LDHC: variants seen among roughly 807,000 people sequenced by gnomAD.
LDHC encodes L-lactate dehydrogenase C chain.
A neutral mutation model predicts 30.2 loss-of-function variants in LDHC; 20 were observed. That is an observed-to-expected ratio of 0.66 (90% CI 0.47 to 0.96). The LOEUF is 0.96. Among genes scored for constraint, LDHC ranks in the 40% least tolerant of loss-of-function variants. The pLI, the probability that LDHC is intolerant of heterozygous loss-of-function variation, is 0.00. For missense variants in LDHC, 362 were observed against 394.9 expected, an observed-to-expected ratio of 0.92 and a Z score of 0.71; for synonymous variants, 139 against 132.7, an observed-to-expected ratio of 1.05 and a Z score of -0.32.
intron 1 of LDHC, 72 bp downstream of exon 1, chr11:18,412,480 GGGTGAAA>G: frequency 4.4e-6 from 2 of 454,314 alleles, no homozygotes; most frequent in Non-Finnish European, 4.0e-6. Context: ...TGTGGTGCTG[GGGTGAAA>G]GTGGTGGCTG....
intron 2 of LDHC, 140 bp from the exon 3 acceptor site, chr11:18,415,044 C>G (rs1866981884): frequency 1.9e-6 from 1 of 518,306 alleles, no homozygotes. Flanking sequence ...CACCCAGGCT[C>G]ATTGAAAAAC....
At chr11:18,432,993 G>A (rs1200997745) in intron 4 of LDHC, among the ~76,000 whole-genome samples, 1 of 152,128 alleles carries the variant, frequency 6.6e-6, no homozygotes. Context: ...TATTCATCAT[G>A]CTTTTTGTTG....
At position 18,412,815 on chromosome 11, in the gene LDHC, T is replaced by C. The variant is rs1357332075; in HGVS notation, c.98T>C (p.Met33Thr). Residue 33 changes from methionine to threonine, a missense_variant, in exon 2 of 8, where the codon ATG (methionine) becomes ACG (threonine). Transcript: ENST00000541669. Reference sequence around the variant, plus strand: ...ATTGTTGGAACTGGTGCCGTAGGCATGGCTTGTGCTATTAGTATCTTACTG... The same window carrying C: ...ATTGTTGGAACTGGTGCCGTAGGCACGGCTTGTGCTATTAGTATCTTACTG... ...ITIVGTGAVGMACAISILLKD... is the reference protein window; with the variant it reads ...ITIVGTGAVGTACAISILLKD... 2.5e-6 allele frequency: 4 copies of C among 1,613,806 alleles called. No individual in the cohort carries two copies. The African/African-American group carries it at 4.0e-5, about 16-fold the overall frequency.
In LDHC at chr11:18,438,699, A is replaced by G; in HGVS notation, c.710+54A>G. On this transcript the variant is annotated intron_variant, in intron 6 of 7. Transcript: ENST00000541669. ...CCTTAATAGTCAGTCTTAAGAATAA[A>G]TATCACGGACAAAAATCAAGTAGTT... 3.2e-6 allele frequency: 3 copies of G among 926,996 alleles called. No individual in the cohort carries two copies. In the South Asian group the frequency reaches 4.4e-5, roughly 14 times the overall value. 57.4% of individuals were successfully genotyped at this position (926,996 alleles called of 1,614,324 possible).
At chr11:18,416,295 C>A (rs917913089) in intron 3 of LDHC, among the ~76,000 whole-genome samples, 1 of 152,168 alleles carries the variant, frequency 6.6e-6, no homozygotes, top group Non-Finnish European at 1.5e-5. Flanking sequence ...GGTTTCAAGG[C>A]ATAGCATGAG....
Position 18,428,257 on chromosome 11 carries a change from C to T in LDHC, c.245-1480C>T, listed in dbSNP as rs1055216343. On this transcript the variant is annotated intron_variant, in intron 3 of 7. Transcript: ENST00000541669. ...CATGATCTGGGCTCACTGCAACCTC[C>T]GCCTCCTGGGTTCAAGCCATTCTCC... Among the ~76,000 whole-genome samples the T allele has an allele frequency of 4.0e-5, 6 of 148,584 alleles. No individual in the cohort carries two copies. The East Asian group carries it at 6.0e-4, about 15-fold the overall frequency.
intron 3 of LDHC, among the ~76,000 whole-genome samples, chr11:18,419,983 T>C (rs1867088216): frequency 6.6e-6 from 1 of 152,138 alleles, no homozygotes; most frequent in Non-Finnish European, 1.5e-5. Flanking sequence ...TCTCAGCTAC[T>C]CAGGAGGCTG....
rs371538164 is a variant in LDHC at position 18,424,336 on chromosome 11, C to T, written c.245-5401C>T. On this transcript the variant is annotated intron_variant, in intron 3 of 7. Coordinates refer to ENST00000541669, the MANE Select transcript of LDHC (RefSeq NM_017448.5). ...GGTGGAGGTTGCAGTGAGCCTAGAT[C>T]GCGCCACTGCACTCCAGCCTGGGCC... Among the ~76,000 whole-genome samples the T allele has an allele frequency of 3.2e-3, 479 of 151,928 alleles. 5 individuals carry two copies. Among genetic ancestry groups the T allele is most frequent in the African/African-American group, 0.011 (459 of 41,426 alleles).
rs1342170222 is a variant in LDHC, at chr11:18,415,255, G to A, written c.198G>A (p.Gln66=). The part of the protein sequence containing the change: ...DKLKGEMMDL[Q]HGSLFFSTSK... ...TGAAGGGAGAAATGATGGATCTTCA[G>A]CATGGCAGTCTTTTCTTTAGTACTT... The change falls in exon 3 of 8, where the codon CAG becomes CAA. Residue 66 remains glutamine (Q), a synonymous_variant. Coordinates refer to ENST00000541669, the MANE Select transcript of LDHC (RefSeq NM_017448.5). 21 of 1,608,880 alleles carry A rather than the reference G, an allele frequency of 1.3e-5. No individual in the cohort carries two copies. The highest frequency in any genetic ancestry group is 1.8e-5 in the Non-Finnish European group (21 of 1,175,922).
intron 5 of LDHC, among the ~76,000 whole-genome samples, chr11:18,437,701 G>A (rs1350721255): frequency 1.3e-5 from 2 of 149,230 alleles, no homozygotes; most frequent in South Asian, 2.1e-4. Flanking sequence ...GCAGTGAGCC[G>A]AGATCGCGCC....
rs1399377252 is a variant in LDHC, at chr11:18,451,629, G to A, written c.*502G>A. On this transcript the variant is annotated 3_prime_UTR_variant, in exon 8 of 8. Transcript: ENST00000541669. ...TGTCTCAAAAAAAATCATTATAAAT[G>A]CTTATTTTTAAGACCATATATATCA... The A allele has an allele frequency of 6.6e-6, 1 of 152,030 alleles. No homozygotes were observed. Among genetic ancestry groups the A allele is most frequent in the East Asian group, 1.9e-4 (1 of 5,196 alleles). 9.4% of individuals were successfully genotyped at this position (152,030 alleles called of 1,614,324 possible).
chr11:18,421,299 C>T, intron 3 of LDHC, among the ~76,000 whole-genome samples: 1 of 151,836 alleles, frequency 6.6e-6, no homozygotes, highest in East Asian at 2.0e-4. Context: ...AGGTGGTCTG[C>T]CCGCTTCGGC....
At chr11:18,421,625 A>G (rs1848053648) in intron 3 of LDHC, among the ~76,000 whole-genome samples, 1 of 151,892 alleles carries the variant, frequency 6.6e-6, no homozygotes, top group Non-Finnish European at 1.5e-5. Flanking sequence ...GTGAGCAGAG[A>G]TCATGCCATT....
intron 3 of LDHC, among the ~76,000 whole-genome samples, chr11:18,420,099 A>G (rs1219913325): frequency 6.1e-5 from 9 of 148,258 alleles, no homozygotes; most frequent in African/African-American, 7.9e-5. Flanking sequence ...TCTTAGAACA[A>G]CAACAACAAC....
intron 3 of LDHC, among the ~76,000 whole-genome samples, chr11:18,425,404 A>T (rs961611119): frequency 6.6e-6 from 1 of 151,990 alleles, no homozygotes; most frequent in African/African-American, 2.4e-5. Context: ...TTTAGAGACT[A>T]GGTCTTGCCC....
chr11:18,425,675 C>T (rs982137057), intron 3 of LDHC, among the ~76,000 whole-genome samples: 1 of 151,914 alleles, frequency 6.6e-6, no homozygotes, highest in African/African-American at 2.4e-5. Context: ...CGTGGTGGCT[C>T]ACGCCTGTAA....
intron 3 of LDHC, among the ~76,000 whole-genome samples, chr11:18,427,187 C>T (rs1402376582): frequency 6.6e-6 from 1 of 151,876 alleles, no homozygotes; most frequent in African/African-American, 2.4e-5. Context: ...GAAACCCCGT[C>T]TCTACTAAAA....
rs765977484 is a variant in LDHC, at chr11:18,438,616, G to C, written c.681G>C (p.Trp227Cys). 5.6e-6 allele frequency: 9 copies of C among 1,606,214 alleles called. No individual in the cohort carries two copies. In the Admixed American group the frequency reaches 1.3e-4, roughly 24 times the overall value. The change falls in exon 6 of 8, where the codon TGG becomes TGC. Residue 227 changes from tryptophan (W) to cysteine (C), a missense_variant. Trp to Cys is a radical substitution (Grantham distance 215, BLOSUM62 -2). Transcript: ENST00000541669. The part of the protein sequence containing the change: ...KLGTDSDKEH[W>C]KNIHKQVIQS... ...GAACGGATTCAGATAAGGAACACTG[G>C]AAAAATATCCATAAACAAGTTATTC...
chr11:18,422,506 A>C (rs1848081105), intron 3 of LDHC, among the ~76,000 whole-genome samples: 1 of 150,948 alleles, frequency 6.6e-6, no homozygotes, highest in Non-Finnish European at 1.5e-5. Flanking sequence ...GTGAGCCGAG[A>C]TTGTGGCAGT....
Sources: allele counts gnomAD v4.1 joint callset (sites outside exome capture counted in the v4.1 genomes callset), GRCh38; gene constraint gnomAD v4.1.1; transcripts MANE v1.5; gene names NCBI Gene and HGNC (gene_info 2026-07-23, HGNC 2026-07-21).